The following GRK5 variants were observed in gnomAD, a reference collection of about 807,000 sequenced individuals.
GRK5 encodes the protein g protein-coupled receptor kinase GRK5.
Under a neutral mutation model 78.4 loss-of-function variants are expected in GRK5, and 40 were observed. The observed-to-expected ratio is 0.51, with a 90% CI of 0.40 to 0.66. The LOEUF is 0.66. GRK5 is among the 30% of genes least tolerant of loss of function. The pLI is 0.00. For synonymous variants in GRK5, 289 were observed against 296.8 expected (o/e 0.97, Z 0.27); for missense variants, 598 against 759.9 (o/e 0.79, Z 2.50).
intron 1 of GRK5, among the ~76,000 whole-genome samples, chr10:119,278,313 G>T (rs1360109765): frequency 6.6e-6 from 1 of 151,828 alleles, no homozygotes; most frequent in Non-Finnish European, 1.5e-5. Flanking sequence ...CTCTGCTTGG[G>T]GTGCTGGACA....
intron 1 of GRK5, among the ~76,000 whole-genome samples, chr10:119,275,578 C>T (rs995617850): frequency 1.4e-5 from 2 of 147,002 alleles, no homozygotes; most frequent in Non-Finnish European, 3.0e-5. Context: ...CATGCTTGTG[C>T]GTGTGCACGC....
chr10:119,248,428 A>AT (rs913710746), intron 1 of GRK5, among the ~76,000 whole-genome samples: 5 of 152,118 alleles, frequency 3.3e-5, no homozygotes, highest in Admixed American at 2.6e-4. Flanking sequence ...TGCAGATGAC[A>AT]TTTTTTTAAT....
intron 4 of GRK5, among the ~76,000 whole-genome samples, chr10:119,399,354 G>GC (rs1426993051): frequency 5.3e-5 from 8 of 152,186 alleles, no homozygotes; most frequent in African/African-American, 1.9e-4. Context: ...GTGCCCCAGT[G>GC]CCCCAGATGC....
At chr10:119,279,519 G>A (rs569112659) in intron 1 of GRK5, among the ~76,000 whole-genome samples, 19 of 152,156 alleles carry the variant, frequency 1.2e-4, no homozygotes, top group African/African-American at 3.6e-4. Context: ...GTGCTACTAG[G>A]GGGGTGGGAG....
intron 1 of GRK5, among the ~76,000 whole-genome samples, chr10:119,230,017 G>C (rs76881209): frequency 0.021 from 3,222 of 152,292 alleles, 76 homozygotes; most frequent in South Asian, 0.062. Flanking sequence ...GACAAAGGTT[G>C]TTGGCACTGG....
intron 1 of GRK5, among the ~76,000 whole-genome samples, chr10:119,215,246 G>C (rs555654382): frequency 4.6e-5 from 7 of 152,286 alleles, no homozygotes; most frequent in Admixed American, 3.3e-4. Flanking sequence ...GCCATGTGTG[G>C]CTAGTGGCCA....
chr10:119,315,686 CTT>C (rs1452434828), intron 1 of GRK5, among the ~76,000 whole-genome samples: 2 of 152,230 alleles, frequency 1.3e-5, no homozygotes, highest in Non-Finnish European at 2.9e-5. Context: ...TGGATGGAGT[CTT>C]TAGTCCTGCA....
At chr10:119,266,296 A>G (rs1365141154) in intron 1 of GRK5, among the ~76,000 whole-genome samples, 1 of 152,150 alleles carries the variant, frequency 6.6e-6, no homozygotes, top group African/African-American at 2.4e-5. Flanking sequence ...TATCTATAAA[A>G]ACACAAGCAT....
chr10:119,222,895 A>G (rs953703056), intron 1 of GRK5, among the ~76,000 whole-genome samples: 2 of 152,224 alleles, frequency 1.3e-5, no homozygotes, highest in Non-Finnish European at 2.9e-5. Context: ...GTGGCCGTGC[A>G]GGAGCAGAAA....
intron 1 of GRK5, among the ~76,000 whole-genome samples, chr10:119,260,979 C>T (rs1325047066): frequency 6.6e-5 from 10 of 150,438 alleles, no homozygotes; most frequent in Admixed American, 4.6e-4. Context: ...CCAGTAGGGG[C>T]GGCCGGGCAG....
chr10:119,455,384 AT>A lies in GRK5; in HGVS notation c.*322del. On this transcript the variant is annotated 3_prime_UTR_variant, in exon 16 of 16. Coordinates refer to ENST00000392870, the MANE Select transcript of GRK5 (RefSeq NM_005308.3). ...ACTAGAACTGAATTTTGTCTTTATG[AT>A]TTTTAAAGAAAAGTTTTGTAAATTT... 1.9e-6 allele frequency: 1 copy of A among 515,146 alleles called. No individual in the cohort carries two copies. Among genetic ancestry groups the A allele is most frequent in the Non-Finnish European group, 3.6e-6 (1 of 279,272 alleles). 31.9% of individuals were successfully genotyped at this position (515,146 alleles called of 1,614,324 possible).
At chr10:119,347,818 G>A (rs1331442995) in intron 2 of GRK5, among the ~76,000 whole-genome samples, 1 of 152,224 alleles carries the variant, frequency 6.6e-6, no homozygotes. Context: ...GAGCTCTCCT[G>A]GGACCTGAGT....
rs904771775 is a variant in GRK5 at position 119,459,107 on chromosome 10, T to C, written c.*4040T>C. The C allele has an allele frequency of 6.6e-6, 1 of 152,218 alleles. No homozygotes were observed. The highest frequency in any genetic ancestry group is 1.5e-5 in the Non-Finnish European group (1 of 68,048). The allele number at this position is 152,218 out of a possible 1,614,324, so 9.4% of individuals were successfully genotyped here. ...CTTTTTAGCCCCGGCTGTGGAAAGATAGTGAGTATGAAGTCTTTGTGCATT... is the reference window on the plus strand; with the variant it reads ...CTTTTTAGCCCCGGCTGTGGAAAGACAGTGAGTATGAAGTCTTTGTGCATT... On this transcript the variant is annotated 3_prime_UTR_variant, in exon 16 of 16. Coordinates refer to ENST00000392870, the MANE Select transcript of GRK5 (RefSeq NM_005308.3).
Position 119,393,231 on chromosome 10 carries a change from C to T in GRK5, c.262-3464C>T, listed in dbSNP as rs1851915322. ...AAATGCTCTTCAAGTGGTGGCCTGG[C>T]ACGGACTCTTTGAGAAAGGCCTTTT... is the stretch of plus-strand genomic sequence containing the variant. On this transcript the variant is annotated intron_variant, in intron 3 of 15. Coordinates refer to ENST00000392870, the MANE Select transcript of GRK5 (RefSeq NM_005308.3). Among the ~76,000 whole-genome samples, 5 of 152,256 alleles carry T rather than the reference C, an allele frequency of 3.3e-5. No individual in the cohort carries two copies. The South Asian group carries it at 1.0e-3, about 31-fold the overall frequency.
chr10:119,405,737 G>C lies in GRK5; in HGVS notation c.339+8965G>C, dbSNP rs1391237058. ...TTGGAGCCTCAGTTTCCCCAACTGAGTATGGGGCTGATAAAAATGGCGCCT... is the reference window on the plus strand; with the variant it reads ...TTGGAGCCTCAGTTTCCCCAACTGACTATGGGGCTGATAAAAATGGCGCCT... On this transcript the variant is annotated intron_variant, in intron 4 of 15. Transcript: ENST00000392870. Among the ~76,000 whole-genome samples the C allele has an allele frequency of 1.3e-5, 2 of 152,160 alleles. 1 individual carries two copies. The highest frequency in any genetic ancestry group is 2.9e-5 in the Non-Finnish European group (2 of 68,034).
chr10:119,278,231 G>A (rs2133685233), intron 1 of GRK5, among the ~76,000 whole-genome samples: 1 of 152,198 alleles, frequency 6.6e-6, no homozygotes, highest in East Asian at 1.9e-4. Context: ...CCTGAGCGAT[G>A]GCTCCTATGT....
At chr10:119,357,103 C>T (rs972749508) in intron 2 of GRK5, among the ~76,000 whole-genome samples, 15 of 152,184 alleles carry the variant, frequency 9.9e-5, no homozygotes, top group African/African-American at 2.2e-4. Context: ...GGAGCCCAAG[C>T]GAAGTGAAGT....
intron 2 of GRK5, among the ~76,000 whole-genome samples, chr10:119,349,167 G>A (rs1851150323): frequency 6.6e-6 from 1 of 152,228 alleles, no homozygotes; most frequent in Admixed American, 6.5e-5. Flanking sequence ...AGAAGAGGCA[G>A]GAGGAAGGAA....
intron 2 of GRK5, among the ~76,000 whole-genome samples, chr10:119,351,591 A>G (rs527888640): frequency 1.3e-5 from 2 of 152,216 alleles, no homozygotes; most frequent in African/African-American, 4.8e-5. Flanking sequence ...CTTTTTCCTT[A>G]TAAATTACCC....
Sources: gnomAD v4.1 joint callset for allele counts (sites outside exome capture counted in the v4.1 genomes callset) on GRCh38, gnomAD v4.1.1 for gene constraint, MANE v1.5 for transcripts, NCBI Gene and HGNC (gene_info 2026-07-23, HGNC 2026-07-21) for gene names.